Variants in SYT14 observed in about 807,000 individuals in gnomAD.
The protein encoded by SYT14 is synaptotagmin-14.
In SYT14, 32 loss-of-function variants were observed where a neutral mutation model predicts 74.2. The ratio of observed to expected loss-of-function variants is 0.43; its 90% CI spans 0.33 to 0.58. The LOEUF (loss-of-function observed/expected upper bound fraction) is 0.58, where lower values mean the gene tolerates loss of function less well. SYT14 is among the 20% of genes least tolerant of loss of function. The probability of loss-of-function intolerance (pLI) is 0.05; values close to 1 mark genes in which losing one functional copy is unlikely to be tolerated. For synonymous variants in SYT14, 298 were observed against 337.7 expected, an observed-to-expected ratio of 0.88 and a Z score of 1.29; for missense variants, 791 against 981.8, an observed-to-expected ratio of 0.81 and a Z score of 2.60.
chr1:210,072,353 A>G (rs981376631), intron 5 of SYT14, among the ~76,000 whole-genome samples: 1 of 151,940 alleles, frequency 6.6e-6, no homozygotes, highest in South Asian at 2.1e-4. Context: ...AATAGATCTC[A>G]TTATAAGGGT....
chr1:210,020,083 T>C (rs1403267736), intron 4 of SYT14, among the ~76,000 whole-genome samples: 2 of 152,196 alleles, frequency 1.3e-5, no homozygotes, highest in Admixed American at 1.3e-4. Flanking sequence ...ATTATGTGTG[T>C]GTATATGCCA....
intron 2 of SYT14, among the ~76,000 whole-genome samples, chr1:209,998,613 A>G (rs2079839412): frequency 6.6e-6 from 1 of 152,138 alleles, no homozygotes; most frequent in African/African-American, 2.4e-5. Context: ...AAACCAATGG[A>G]ATAGAACAAA....
chr1:209,944,309 CG>C (rs1218069092), intron 1 of SYT14, among the ~76,000 whole-genome samples: 4 of 151,972 alleles, frequency 2.6e-5, no homozygotes, highest in African/African-American at 9.7e-5. Context: ...CAGTCAAAAA[CG>C]TAATTGACTA....
chr1:210,059,343 A>G (rs991645771), intron 5 of SYT14, among the ~76,000 whole-genome samples: 2 of 150,850 alleles, frequency 1.3e-5, no homozygotes, highest in African/African-American at 4.9e-5. Context: ...AATTAATTTG[A>G]TGGCTAAGAG....
intron 2 of SYT14, among the ~76,000 whole-genome samples, chr1:209,982,833 G>A (rs2079510428): frequency 6.6e-6 from 1 of 152,202 alleles, no homozygotes; most frequent in Non-Finnish European, 1.5e-5. Context: ...GAGGATTCCT[G>A]TTGCTCCACA....
At chr1:210,133,149 T>C (rs534145263) in intron 7 of SYT14, among the ~76,000 whole-genome samples, 16 of 152,360 alleles carry the variant, frequency 1.1e-4, no homozygotes, top group Admixed American at 2.0e-4. Context: ...GTTGCAGTTA[T>C]ACCCCTTTCT....
intron 2 of SYT14, among the ~76,000 whole-genome samples, chr1:209,971,201 T>C (rs544832151): frequency 2.6e-4 from 40 of 152,302 alleles, no homozygotes; most frequent in African/African-American, 9.4e-4. Flanking sequence ...TATAAGTGTA[T>C]AGAAATGCTG....
At chr1:210,037,281 T>C (rs2080685275) in intron 5 of SYT14, among the ~76,000 whole-genome samples, 1 of 152,006 alleles carries the variant, frequency 6.6e-6, no homozygotes, top group Admixed American at 6.6e-5. Flanking sequence ...TAATGTCTCC[T>C]GTTTAAAATT....
rs11444158 is a variant in SYT14, at chr1:210,063,021, G to GTT, written c.1313-31289_1313-31288dup. Among the ~76,000 whole-genome samples the GTT allele has an allele frequency of 1.7e-3, 240 of 141,056 alleles. 1 individual carries two copies. Among genetic ancestry groups the GTT allele is most frequent in the African/African-American group, 3.0e-3 (116 of 38,988 alleles). The allele number at this position is 141,056 out of a possible 152,430, so 92.5% of individuals were successfully genotyped here. A position where few individuals can be genotyped will look rare whatever the true frequency, so the allele number is the denominator to read the frequency against. The stretch of plus-strand genomic sequence containing the variant: ...TTTGTTGCATGTAATATTTTTTCTA[G>GTT]TTTTTTTTTTTTTAACATTGATGGT... On this transcript the variant is annotated intron_variant, in intron 5 of 9. Coordinates refer to ENST00000637265, the Ensembl canonical transcript of SYT14.
rs1320449847 is a variant in SYT14 at position 210,013,874 on chromosome 1, A to G, written c.-321+77A>G. ...ATTTACTTATTTTAATATATGCAAT[A>G]AAAAGGTTGGTTGTGACATACAATA... On this transcript the variant is annotated intron_variant, in intron 3 of 9. Transcript: ENST00000637265. The G allele has an allele frequency of 1.0e-5, 15 of 1,446,414 alleles. No homozygotes were observed. In the East Asian group the frequency reaches 3.6e-4, roughly 35 times the overall value. The allele number at this position is 1,446,414 out of a possible 1,614,324, so 89.6% of individuals were successfully genotyped here.
chr1:210,032,874 C>G (rs2080572856), intron 5 of SYT14, among the ~76,000 whole-genome samples: 2 of 74,846 alleles, frequency 2.7e-5, no homozygotes, highest in Non-Finnish European at 5.0e-5. Flanking sequence ...TACGTTTGCA[C>G]TATTTATTTA....
intron 2 of SYT14, among the ~76,000 whole-genome samples, chr1:210,000,914 G>A (rs192704926): frequency 8.5e-5 from 13 of 152,062 alleles, no homozygotes; most frequent in Admixed American, 8.5e-4. Context: ...GTTTCTGCGT[G>A]CCTCATAGTT....
intron 5 of SYT14, among the ~76,000 whole-genome samples, chr1:210,033,401 G>GA (rs1262995503): frequency 6.6e-6 from 1 of 151,692 alleles, no homozygotes; most frequent in African/African-American, 2.4e-5. Flanking sequence ...GTGTAATTCT[G>GA]AAAAATCTTT....
At chr1:210,025,789 A>G (rs2080399217) in intron 5 of SYT14, among the ~76,000 whole-genome samples, 1 of 152,194 alleles carries the variant, frequency 6.6e-6, no homozygotes, top group African/African-American at 2.4e-5. Flanking sequence ...TGTGGTAGGT[A>G]AGATTCTACA....
chr1:210,101,140 C>T (rs930765676), intron 7 of SYT14, among the ~76,000 whole-genome samples: 6 of 152,030 alleles, frequency 3.9e-5, no homozygotes, highest in Non-Finnish European at 8.8e-5. Flanking sequence ...CAAGGCATTG[C>T]AAATCACAGG....
intron 2 of SYT14, among the ~76,000 whole-genome samples, chr1:209,955,270 A>G (rs985571795): frequency 6.6e-6 from 1 of 152,170 alleles, no homozygotes; most frequent in African/African-American, 2.4e-5. Flanking sequence ...GTCTGTTACA[A>G]TAACAACTTG....
chr1:210,029,058 C>T (rs2080473234), intron 5 of SYT14, among the ~76,000 whole-genome samples: 2 of 152,036 alleles, frequency 1.3e-5, no homozygotes, highest in African/African-American at 2.4e-5. Flanking sequence ...TGCTTATTGG[C>T]TATTTGTATA....
intron 5 of SYT14, among the ~76,000 whole-genome samples, chr1:210,084,158 G>A (rs569825920): frequency 6.6e-6 from 1 of 152,190 alleles, no homozygotes. Context: ...CTCCTCTACT[G>A]TATCCTCAGT....
chr1:210,015,789 T>C, exon 4 of SYT14: 1 of 898,696 alleles, frequency 1.1e-6, no homozygotes, highest in Non-Finnish European at 1.4e-6. Flanking sequence ...ACCAAGTGGT[T>C]TGATTTTTTT....
Sources: gnomAD v4.1 joint callset for allele counts (sites outside exome capture counted in the v4.1 genomes callset) on GRCh38, gnomAD v4.1.1 for gene constraint, MANE v1.5 for transcripts, NCBI Gene and HGNC (gene_info 2026-07-23, HGNC 2026-07-21) for gene names.